Variants in AP1S3 observed in about 807,000 individuals in gnomAD.
The protein encoded by AP1S3 is AP-1 complex subunit sigma-3.
In AP1S3, 10 loss-of-function variants were observed where a neutral mutation model predicts 20.9. The observed-to-expected ratio is 0.48, with a 90% CI of 0.29 to 0.81. AP1S3 has a LOEUF of 0.81. AP1S3 is among the 30% of genes least tolerant of loss of function. The pLI, the probability that AP1S3 is intolerant of heterozygous loss-of-function variation, is 0.08. For synonymous variants in AP1S3, 41 were observed against 61.5 expected (o/e 0.67, Z 1.56); for missense variants, 154 against 183.8 (o/e 0.84, Z 0.94).
In AP1S3 at chr2:223,773,171, G is replaced by T. The variant is rs1690674050; in HGVS notation, c.291+2730C>A. The T allele has an allele frequency of 5.6e-6, 4 of 709,726 alleles. No homozygotes were observed. In the African/African-American group the frequency reaches 7.5e-5, roughly 13 times the overall value. The allele number at this position is 709,726 out of a possible 1,614,324, so 44.0% of individuals were successfully genotyped here. A position where few individuals can be genotyped will look rare whatever the true frequency, so the allele number is the denominator to read the frequency against. On this transcript the variant is annotated intron_variant, in intron 3 of 4. Coordinates refer to ENST00000396654, the MANE Select transcript of AP1S3 (RefSeq NM_001039569.2). The stretch of plus-strand genomic sequence containing the variant: ...GAAGCATAATGCCCTGAGATATCTG[G>T]CTGAAATTTGGTCAGATAGATTGAG...
chr2:223,828,058 T>TAAAAAAAAAAAAAAAAAAAAAAAAAAA (rs527671959), intron 1 of AP1S3, among the ~76,000 whole-genome samples: 16 of 94,686 alleles, frequency 1.7e-4, no homozygotes, highest in Middle Eastern at 5.2e-3. Context: ...AGACTTCATC[T>TAAAAAAAAAAAAAAAAAAAAAAAAAAA]AAAAAAAAAA....
chr2:223,807,867 CT>C (rs138805104), intron 1 of AP1S3, among the ~76,000 whole-genome samples: 3,403 of 43,166 alleles, frequency 0.079, 6 homozygotes, highest in Admixed American at 0.12. Context: ...CATTTCTTTT[CT>C]TTTTTTTTTT....
At chr2:223,825,759 G>A (rs1216229364) in intron 1 of AP1S3, among the ~76,000 whole-genome samples, 2 of 152,184 alleles carry the variant, frequency 1.3e-5, no homozygotes, top group African/African-American at 2.4e-5. Context: ...GCTCAGGCCT[G>A]TCATCCCAGC....
chr2:223,797,292 A>C (rs1691361188), intron 1 of AP1S3, among the ~76,000 whole-genome samples: 1 of 152,166 alleles, frequency 6.6e-6, no homozygotes, highest in African/African-American at 2.4e-5. Context: ...AGAGAGCAGC[A>C]ACTATGAATC....
intron 1 of AP1S3, among the ~76,000 whole-genome samples, chr2:223,819,859 A>T (rs1279592657): frequency 1.3e-5 from 2 of 152,140 alleles, no homozygotes; most frequent in Non-Finnish European, 2.9e-5. Context: ...ACTTTTACTG[A>T]TAAAATACTA....
intron 1 of AP1S3, among the ~76,000 whole-genome samples, chr2:223,819,985 A>ATCAGTG (rs67352246): frequency 0.32 from 48,807 of 151,918 alleles, 8,229 homozygotes; most frequent in Middle Eastern, 0.42. Context: ...CCTTTAAAAT[A>ATCAGTG]TTTTGACCCT....
chr2:223,817,551 T>C (rs1691873369), intron 1 of AP1S3, among the ~76,000 whole-genome samples: 1 of 143,592 alleles, frequency 7.0e-6, no homozygotes, highest in Non-Finnish European at 1.5e-5. Context: ...GAGGTTGCAG[T>C]GAGCCGAGAT....
At chr2:223,781,153 T>C (rs1269512674) in intron 1 of AP1S3, among the ~76,000 whole-genome samples, 1 of 152,144 alleles carries the variant, frequency 6.6e-6, no homozygotes, top group Non-Finnish European at 1.5e-5. Context: ...TTCCATGGTA[T>C]ATATGTATAT....
At chr2:223,773,388 G>T (rs1690679029) in intron 3 of AP1S3, 1 of 1,296,734 alleles carries the variant, frequency 7.7e-7, no homozygotes, top group Admixed American at 2.3e-5. Flanking sequence ...AAAAATGTGA[G>T]AATTCATTTG....
intron 1 of AP1S3, among the ~76,000 whole-genome samples, chr2:223,809,843 C>T (rs181068828): frequency 7.8e-4 from 118 of 151,624 alleles, no homozygotes; most frequent in African/African-American, 2.7e-3. Flanking sequence ...ATTCTCCTGC[C>T]TCAGCCTCCT....
chr2:223,828,540 C>T lies in AP1S3; in HGVS notation c.3+8908G>A, dbSNP rs1692186988. Among the ~76,000 whole-genome samples the T allele has an allele frequency of 8.5e-5, 13 of 152,122 alleles. No homozygotes were observed. The South Asian group carries it at 2.7e-3, about 32-fold the overall frequency. ...CCCACATGGCCCACCTGCAACTTCC[C>T]AGGAAATAAAACTGAGATGACTCAA... On this transcript the variant is annotated intron_variant, in intron 1 of 4. Coordinates refer to ENST00000396654, the MANE Select transcript of AP1S3 (RefSeq NM_001039569.2).
intron 4 of AP1S3, chr2:223,764,940 T>C (rs941951679): frequency 2.2e-6 from 1 of 447,576 alleles, no homozygotes; most frequent in South Asian, 6.8e-5. Context: ...CACTTCCTAG[T>C]GGAATAGAGG....
chr2:223,775,142 C>A (rs958475382), intron 3 of AP1S3, among the ~76,000 whole-genome samples: 1 of 152,148 alleles, frequency 6.6e-6, no homozygotes, highest in Non-Finnish European at 1.5e-5. Flanking sequence ...TCGCTGGTGT[C>A]AACCCGCAGG....
intron 1 of AP1S3, among the ~76,000 whole-genome samples, chr2:223,830,102 C>G (rs915304178): frequency 6.6e-6 from 1 of 152,172 alleles, no homozygotes; most frequent in African/African-American, 2.4e-5. Context: ...GCCTAAGCTG[C>G]AAGCCATAAA....
Position 223,758,359 on chromosome 2 carries a change from C to A in AP1S3, c.*356G>T, listed in dbSNP as rs551136517. On this transcript the variant is annotated 3_prime_UTR_variant, in exon 5 of 5. Transcript: ENST00000396654. ...TTACATTCAAAATCATGGATTATTA[C>A]AATATTGTGTCAAATGCAAAAAAAA... 1 of 1,013,322 alleles carries A rather than the reference C, an allele frequency of 9.9e-7. No individual in the cohort carries two copies. Among genetic ancestry groups the A allele is most frequent in the Admixed American group, 5.8e-5 (1 of 17,268 alleles). 62.8% of individuals were successfully genotyped at this position (1,013,322 alleles called of 1,614,324 possible).
chr2:223,756,184 A>G lies in AP1S3; in HGVS notation c.*2531T>C, dbSNP rs1296150119. 3.0e-6 allele frequency: 1 copy of G among 336,496 alleles called. No individual in the cohort carries two copies. Among genetic ancestry groups the G allele is most frequent in the Non-Finnish European group, 4.2e-6 (1 of 236,916 alleles). 20.8% of individuals were successfully genotyped at this position (336,496 alleles called of 1,614,324 possible). Reference sequence around the variant, plus strand: ...GAAATCCCAACTCTACCAAAAATACAAAATTAGCCAGGCGTGGTGGCGCAT... The same window carrying G: ...GAAATCCCAACTCTACCAAAAATACGAAATTAGCCAGGCGTGGTGGCGCAT... On this transcript the variant is annotated 3_prime_UTR_variant, in exon 5 of 5. Coordinates refer to ENST00000396654, the MANE Select transcript of AP1S3 (RefSeq NM_001039569.2).
intron 4 of AP1S3, among the ~76,000 whole-genome samples, chr2:223,760,713 A>G (rs2106074837): frequency 6.6e-6 from 1 of 152,372 alleles, no homozygotes; most frequent in Non-Finnish European, 1.5e-5. Context: ...AAGTGTACTT[A>G]GAATGAGAAA....
chr2:223,765,949 C>T lies in AP1S3; in HGVS notation c.292-599G>A, dbSNP rs147309859. Among the ~76,000 whole-genome samples the T allele has an allele frequency of 5.1e-4, 77 of 152,272 alleles. 1 individual carries two copies. The East Asian group carries it at 0.013, about 26-fold the overall frequency. On this transcript the variant is annotated intron_variant, in intron 3 of 4. Coordinates refer to ENST00000396654, the MANE Select transcript of AP1S3 (RefSeq NM_001039569.2). ...ACAGGTTCCCAGGTGATGCTGAGGCCGCCGGACTGCGGGATTTCACATCCA... is the reference window on the plus strand; with the variant it reads ...ACAGGTTCCCAGGTGATGCTGAGGCTGCCGGACTGCGGGATTTCACATCCA...
At chr2:223,823,762 A>ACC (rs1229736031) in intron 1 of AP1S3, among the ~76,000 whole-genome samples, 1 of 152,294 alleles carries the variant, frequency 6.6e-6, no homozygotes, top group East Asian at 1.9e-4. Flanking sequence ...ACACACACAC[A>ACC]ATTACAAATA....
Sources: gnomAD v4.1 joint callset for allele counts (sites outside exome capture counted in the v4.1 genomes callset) on GRCh38, gnomAD v4.1.1 for gene constraint, MANE v1.5 for transcripts, NCBI Gene and HGNC (gene_info 2026-07-23, HGNC 2026-07-21) for gene names.